Variants in FYCO1 observed in about 807,000 individuals in gnomAD.
FYCO1 encodes the protein FYVE and coiled-coil domain-containing protein 1.
A neutral mutation model predicts 165.1 loss-of-function variants in FYCO1; 122 were observed. That is an observed-to-expected ratio of 0.74 (90% CI 0.64 to 0.86). FYCO1 has a LOEUF of 0.86. Among genes scored for constraint, FYCO1 ranks in the 40% least tolerant of loss-of-function variants. The pLI, the probability that FYCO1 is intolerant of heterozygous loss-of-function variation, is 0.00. For missense variants in FYCO1, 1,702 were observed against 1,810.3 expected (o/e 0.94, Z 1.09); for synonymous variants, 648 against 742.5 (o/e 0.87, Z 2.07).
chr3:45,943,971 A>G (rs1264732963), intron 14 of FYCO1, among the ~76,000 whole-genome samples: 1 of 152,230 alleles, frequency 6.6e-6, no homozygotes, highest in Non-Finnish European at 1.5e-5. Flanking sequence ...TTTGAAAACT[A>G]TTTTAAAAAA....
intron 14 of FYCO1, among the ~76,000 whole-genome samples, chr3:45,941,975 C>T (rs1275836888): frequency 2.0e-5 from 3 of 152,228 alleles, no homozygotes; most frequent in Non-Finnish European, 4.4e-5. Flanking sequence ...CAGTCTGTTC[C>T]TTTATTCATT....
chr3:45,924,909 G>C (rs1703247058), intron 16 of FYCO1, among the ~76,000 whole-genome samples: 1 of 140,654 alleles, frequency 7.1e-6, no homozygotes, highest in African/African-American at 2.7e-5. Flanking sequence ...CACCATGCTA[G>C]GCTAGAGCCA....
Position 45,955,362 on chromosome 3 carries a change from G to A in FYCO1, c.3831C>T (p.Asp1277=), listed in dbSNP as rs755502918. 1.4e-5 allele frequency: 22 copies of A among 1,614,032 alleles called. No individual in the cohort carries two copies. The highest frequency in any genetic ancestry group is 5.0e-5 in the Admixed American group (3 of 60,004). Residue 1277 remains aspartate, a synonymous_variant, in exon 14 of 18, where the codon GAC becomes GAT. Transcript: ENST00000296137. The part of the protein sequence containing the change: ...GANTDYRPPD[D]AVFDIITDEE... ...CATCTGTGATGATATCAAACACAGC[G>A]TCGTCCGGTGGCCTGTAGTCTGTAT...
Position 45,973,228 on chromosome 3 carries a change from G to A in FYCO1, c.399C>T (p.Asp133=), listed in dbSNP as rs1329552363. ...GAAAGGGGCTTCTTGCATAGTACCA[G>A]TCACTGCAGAAAAACATGTCAATTA... is the stretch of plus-strand genomic sequence containing the variant. ...QCFMNTKVTS[D]WYYARSPFLQ... is the part of the protein sequence containing the mutation. Residue 133 remains aspartate, a synonymous_variant, in exon 6 of 18, where the codon GAC becomes GAT. Coordinates refer to ENST00000296137, the MANE Select transcript of FYCO1 (RefSeq NM_024513.4). 1.2e-6 allele frequency: 2 copies of A among 1,614,012 alleles called. No homozygotes were observed. Among genetic ancestry groups the A allele is most frequent in the East Asian group, 4.5e-5 (2 of 44,876 alleles).
chr3:45,943,113 A>T (rs1704337230), intron 14 of FYCO1, among the ~76,000 whole-genome samples: 2 of 152,220 alleles, frequency 1.3e-5, no homozygotes, highest in Admixed American at 1.3e-4. Context: ...AGCCCATACC[A>T]TGGACTCAGC....
intron 2 of FYCO1, 39 bp from the exon 3 acceptor site, chr3:45,981,715 A>G (rs998228961): frequency 7.3e-7 from 1 of 1,375,954 alleles, no homozygotes; most frequent in Middle Eastern, 1.8e-4. Context: ...CCAGATAGTG[A>G]CTAAACTCAG....
At chr3:45,922,282 C>T (rs989759941) in intron 17 of FYCO1, among the ~76,000 whole-genome samples, 1 of 152,246 alleles carries the variant, frequency 6.6e-6, no homozygotes, top group Non-Finnish European at 1.5e-5. Flanking sequence ...GAGATGACCT[C>T]GATGGGCCAA....
rs72889997 is a variant in FYCO1, at chr3:45,968,082, C to T, written c.1252G>A (p.Glu418Lys). ...QALERERTKV[E>K]EVNRQQSAQL... ...GCACTCTGCTGTCTGTTGACCTCCTCGACCTTGGTTCTCTCCCTTTCTAGG... is the reference window on the plus strand; with the variant it reads ...GCACTCTGCTGTCTGTTGACCTCCTTGACCTTGGTTCTCTCCCTTTCTAGG... The change falls in exon 8 of 18, where the codon GAG becomes AAG. Residue 418 changes from glutamate (E) to lysine (K), a missense_variant. Physicochemically the swap from Glu to Lys is moderately conservative, Grantham distance 56 (BLOSUM62 1). Coordinates refer to ENST00000296137, the MANE Select transcript of FYCO1 (RefSeq NM_024513.4). 1.1e-4 allele frequency: 182 copies of T among 1,614,202 alleles called. No individual in the cohort carries two copies. The highest frequency in any genetic ancestry group is 2.1e-4 in the South Asian group (19 of 91,084).
At chr3:45,924,930 A>T (rs9822153) in intron 16 of FYCO1, among the ~76,000 whole-genome samples, 50,102 of 127,662 alleles carry the variant, frequency 0.39, 9,979 homozygotes, top group East Asian at 0.73. Flanking sequence ...ACCAACATTT[A>T]AAAAAAATTT....
In FYCO1 at chr3:45,958,400, A is replaced by G; in HGVS notation, c.3799+8T>C. ...GAACATAGTAGGCAGTAGTAGCAGG[A>G]GACTGACCTTGGCCTCCTGTGGCCT... is the stretch of plus-strand genomic sequence containing the variant. On this transcript the variant is annotated splice_region_variant and intron_variant, in intron 13 of 17. Transcript: ENST00000296137. 6.2e-7 allele frequency: 1 copy of G among 1,611,356 alleles called. No homozygotes were observed. Among genetic ancestry groups the G allele is most frequent in the Non-Finnish European group, 8.5e-7 (1 of 1,179,424 alleles).
In FYCO1 at chr3:45,951,773, C is replaced by T. The variant is rs187295719; in HGVS notation, c.3944+3476G>A. ...CACCATTCTAGGTCTGAGCCATGCA[C>T]AGGGACCACTAGGAGGTTGCTTAGG... On this transcript the variant is annotated intron_variant, in intron 14 of 17. Transcript: ENST00000296137. 9.8e-5 allele frequency among the ~76,000 whole-genome samples: 15 copies of T among 152,324 alleles called. No homozygotes were observed. The East Asian group carries it at 2.7e-3, about 27-fold the overall frequency.
At chr3:45,970,201 G>A (rs1206664643) in intron 6 of FYCO1, among the ~76,000 whole-genome samples, 2 of 152,186 alleles carry the variant, frequency 1.3e-5, no homozygotes, top group African/African-American at 4.8e-5. Context: ...CACATAACCA[G>A]GCCAGTCAGT....
Position 45,958,466 on chromosome 3 carries a change from T to C in FYCO1, c.3741A>G (p.Gly1247=). The C allele has an allele frequency of 1.9e-6, 3 of 1,613,488 alleles. No individual in the cohort carries two copies. The highest frequency in any genetic ancestry group is 2.5e-6 in the Non-Finnish European group (3 of 1,180,016). ...CTGGTGACAGTGCAGGGCTGGGCTC[T>C]CCCTGGCTAGTGCCTGAGCCACTGC... ...PDSSGSGTSQ[G]EPSPALSPAS... Residue 1247 remains glycine (G), a synonymous_variant, in exon 13 of 18, where the codon GGA becomes GGG. Transcript: ENST00000296137.
At chr3:45,944,503 T>C (rs1704456467) in intron 14 of FYCO1, among the ~76,000 whole-genome samples, 1 of 152,230 alleles carries the variant, frequency 6.6e-6, no homozygotes, top group Non-Finnish European at 1.5e-5. Flanking sequence ...TATCAGACTT[T>C]TACACTACTT....
intron 14 of FYCO1, among the ~76,000 whole-genome samples, chr3:45,941,472 A>G (rs1704219996): frequency 6.6e-6 from 1 of 152,230 alleles, no homozygotes; most frequent in Non-Finnish European, 1.5e-5. Flanking sequence ...GTTTTGTTTC[A>G]AATAAAAGTA....
chr3:45,973,349 A>T, intron 5 of FYCO1, 118 bp from the exon 6 acceptor site: 1 of 966,758 alleles, frequency 1.0e-6, no homozygotes. Context: ...TAAAAGACAC[A>T]GGCACACAAA....
chr3:45,981,164 ACT>A (rs1707033323), intron 3 of FYCO1, among the ~76,000 whole-genome samples: 1 of 152,074 alleles, frequency 6.6e-6, no homozygotes, highest in Admixed American at 6.6e-5. Flanking sequence ...GGGTCCACAC[ACT>A]CTTAGAATCT....
intron 15 of FYCO1, among the ~76,000 whole-genome samples, chr3:45,931,954 C>A (rs1167907803): frequency 1.3e-5 from 2 of 152,188 alleles, no homozygotes; most frequent in Non-Finnish European, 2.9e-5. Context: ...TTATAAGGTT[C>A]ATTGACAGTG....
At position 45,968,647 on chromosome 3, in the gene FYCO1, C is replaced by T; in HGVS notation, c.687G>A (p.Leu229=). Residue 229 remains leucine, a synonymous_variant, in exon 8 of 18, where the codon TTG becomes TTA. Transcript: ENST00000296137. ...DLNSPLNNEA[L]EGFDEMRLEL... ...CTAGTCGCATCTCATCAAAGCCCTCCAATGCCTCGTTGTTTAGGGGGCTGT... is the reference window on the plus strand; with the variant it reads ...CTAGTCGCATCTCATCAAAGCCCTCTAATGCCTCGTTGTTTAGGGGGCTGT... 6.2e-7 allele frequency: 1 copy of T among 1,614,214 alleles called. No individual in the cohort carries two copies. Among genetic ancestry groups the T allele is most frequent in the Non-Finnish European group, 8.5e-7 (1 of 1,180,046 alleles).
Sources: gnomAD v4.1 joint callset for allele counts (sites outside exome capture counted in the v4.1 genomes callset) on GRCh38, gnomAD v4.1.1 for gene constraint, MANE v1.5 for transcripts, NCBI Gene and HGNC (gene_info 2026-07-23, HGNC 2026-07-21) for gene names.